ARL9: variants seen among roughly 807,000 people sequenced by gnomAD.
ARL9 encodes ARF like GTPase 9.
Under a neutral mutation model 27.0 loss-of-function variants are expected in ARL9, and 14 were observed. The ratio of observed to expected loss-of-function variants is 0.52; its 90% CI spans 0.34 to 0.81. The LOEUF (loss-of-function observed/expected upper bound fraction) is 0.81. Ranked by LOEUF, ARL9 falls within the 30% of genes least tolerant of loss-of-function variation. The pLI is 0.01. For missense variants in ARL9, 294 were observed against 290.0 expected, an observed-to-expected ratio of 1.01 and a Z score of -0.10; for synonymous variants, 106 against 108.7, an observed-to-expected ratio of 0.98 and a Z score of 0.15.
intron 3 of ARL9, among the ~76,000 whole-genome samples, chr4:56,520,394 A>C (rs1252028714): frequency 6.6e-6 from 1 of 152,218 alleles, no homozygotes; most frequent in Admixed American, 6.5e-5. Context: ...CTAAGTGAAT[A>C]AGCCAGTCAC....
At chr4:56,512,383 C>T (rs994312820) in intron 2 of ARL9, among the ~76,000 whole-genome samples, 19 of 152,046 alleles carry the variant, frequency 1.2e-4, no homozygotes, top group Non-Finnish European at 2.4e-4. Context: ...CCTTACCTCA[C>T]CCCAGGCTTA....
At chr4:56,518,964 G>T in intron 3 of ARL9, 111 bp downstream of exon 3, 1 of 1,067,102 alleles carries the variant, frequency 9.4e-7, no homozygotes. Context: ...CTCAGTTTAT[G>T]TTTATTAGAG....
At position 56,511,367 on chromosome 4, in the gene ARL9, G is replaced by C. The variant is rs1452404440; in HGVS notation, c.442+20G>C. The C allele has an allele frequency of 6.3e-7, 1 of 1,591,462 alleles. No individual in the cohort carries two copies. The highest frequency in any genetic ancestry group is 1.8e-5 in the Admixed American group (1 of 56,978). On this transcript the variant is annotated intron_variant, in intron 2 of 3. Coordinates refer to ENST00000640821, the MANE Select transcript of ARL9 (RefSeq NM_001363794.2). ...TGGAGAGTAAGCTCTCTGTTCCTTAGTTATAAGATAGCCACATTTTATTGT... is the reference window on the plus strand; with the variant it reads ...TGGAGAGTAAGCTCTCTGTTCCTTACTTATAAGATAGCCACATTTTATTGT...
intron 3 of ARL9, among the ~76,000 whole-genome samples, chr4:56,522,055 G>A (rs1444707720): frequency 6.8e-6 from 1 of 147,634 alleles, no homozygotes; most frequent in East Asian, 2.0e-4. Context: ...GTGTGATCTC[G>A]GCTCACTGCA....
In ARL9 at chr4:56,523,810, A is replaced by AG. The variant is rs1560701010; in HGVS notation, c.733dup (p.Glu245GlyfsTer52). The AG allele has an allele frequency of 6.2e-6, 10 of 1,614,044 alleles. No homozygotes were observed. The highest frequency in any genetic ancestry group is 7.6e-6 in the Non-Finnish European group (9 of 1,179,888). The stretch of plus-strand genomic sequence containing the variant: ...GAACCTACCTGACTAAGAATGGCTC[A>AG]GAGATACCCTCCACCATGCAAGATG... On this transcript the variant is annotated frameshift_variant, in exon 4 of 4. Transcript: ENST00000640821. LOFTEE classifies it high-confidence loss of function.
rs113809583 is a variant in ARL9 at position 56,518,398 on chromosome 4, C to G, written c.443-280C>G. ...CAGTGGCTGACATGGCTGCTGTGGA[C>G]AATGGGATCAGGAGACATCCACTGT... On this transcript the variant is annotated intron_variant, in intron 2 of 3. Transcript: ENST00000640821. Among the ~76,000 whole-genome samples, 1,445 of 152,254 alleles carry G rather than the reference C, an allele frequency of 9.5e-3. 24 individuals are homozygous for G. Among genetic ancestry groups the G allele is most frequent in the African/African-American group, 0.033 (1,376 of 41,550 alleles).
At chr4:56,508,958 G>C (rs1721545884) in intron 1 of ARL9, among the ~76,000 whole-genome samples, 1 of 152,132 alleles carries the variant, frequency 6.6e-6, no homozygotes, top group South Asian at 2.1e-4. Context: ...AATTATTAGA[G>C]TTTTTTGTGC....
At chr4:56,506,659 G>A in intron 1 of ARL9, 2 of 985,418 alleles carry the variant, frequency 2.0e-6, no homozygotes, top group Non-Finnish European at 2.4e-6. Context: ...AGTTTTAACT[G>A]ACAGGTCTTA....
chr4:56,512,538 CTTT>C (rs34744797), intron 2 of ARL9, among the ~76,000 whole-genome samples: 7 of 130,052 alleles, frequency 5.4e-5, no homozygotes, highest in East Asian at 2.2e-4. Flanking sequence ...ATCAATCATT[CTTT>C]TTTTTTTTTT....
chr4:56,520,381 A>T (rs1359610415), intron 3 of ARL9, among the ~76,000 whole-genome samples: 2 of 152,210 alleles, frequency 1.3e-5, no homozygotes, highest in African/African-American at 4.8e-5. Flanking sequence ...TGAGAACATT[A>T]TGCTAAGTGA....
chr4:56,518,971 A>G, intron 3 of ARL9, 118 bp downstream of exon 3: 1 of 1,034,872 alleles, frequency 9.7e-7, no homozygotes, highest in Non-Finnish European at 1.4e-6. Context: ...TATGTTTATT[A>G]GAGCTCTTGG....
intron 3 of ARL9, among the ~76,000 whole-genome samples, chr4:56,521,364 T>C (rs1578215492): frequency 6.6e-6 from 1 of 152,330 alleles, no homozygotes; most frequent in East Asian, 1.9e-4. Context: ...CAAAATGTTA[T>C]CATTTTCTTA....
intron 1 of ARL9, among the ~76,000 whole-genome samples, chr4:56,507,131 G>A (rs546908652): frequency 6.6e-6 from 1 of 151,958 alleles, no homozygotes; most frequent in South Asian, 2.1e-4. Context: ...AGACTACATA[G>A]ACTCATATTT....
At chr4:56,511,398 A>T in intron 2 of ARL9, 51 bp downstream of exon 2, 1 of 1,541,614 alleles carries the variant, frequency 6.5e-7, no homozygotes, top group African/African-American at 1.4e-5. Context: ...ATTGTCTCTT[A>T]AGCCAGATAT....
Position 56,518,958 on chromosome 4 carries a change from G to C in ARL9, c.618+105G>C. Reference sequence around the variant, plus strand: ...AACAATATGCTATATATTTAACTCAGTTTATGTTTATTAGAGCTCTTGGAT... The same window carrying C: ...AACAATATGCTATATATTTAACTCACTTTATGTTTATTAGAGCTCTTGGAT... On this transcript the variant is annotated intron_variant, in intron 3 of 3. Coordinates refer to ENST00000640821, the MANE Select transcript of ARL9 (RefSeq NM_001363794.2). 4.5e-6 allele frequency: 5 copies of C among 1,110,030 alleles called. No homozygotes were observed. In the East Asian group the frequency reaches 7.9e-5, roughly 17 times the overall value. 68.8% of individuals were successfully genotyped at this position (1,110,030 alleles called of 1,614,324 possible). A position where few individuals can be genotyped will look rare whatever the true frequency, so the allele number is the denominator to read the frequency against.
chr4:56,506,901 C>T (rs113575943), intron 1 of ARL9, among the ~76,000 whole-genome samples: 1,647 of 151,448 alleles, frequency 0.011, 29 homozygotes, highest in African/African-American at 0.038. Context: ...AGCCTGGCAC[C>T]GCCCCCATCT....
At chr4:56,507,799 C>A (rs186991934) in intron 1 of ARL9, among the ~76,000 whole-genome samples, 2,198 of 151,428 alleles carry the variant, frequency 0.015, 18 homozygotes, top group Non-Finnish European at 0.021. Flanking sequence ...CATGGCAAAA[C>A]CCCATCTCTA....
At position 56,518,967 on chromosome 4, in the gene ARL9, T is replaced by A. The variant is rs143758804; in HGVS notation, c.618+114T>A. The A allele has an allele frequency of 4.7e-6, 5 of 1,054,848 alleles. No homozygotes were observed. In the African/African-American group the frequency reaches 8.0e-5, roughly 17 times the overall value. 65.3% of individuals were successfully genotyped at this position (1,054,848 alleles called of 1,614,324 possible). A position where few individuals can be genotyped will look rare whatever the true frequency, so the allele number is the denominator to read the frequency against. ...CTATATATTTAACTCAGTTTATGTT[T>A]ATTAGAGCTCTTGGATTATAAACAC... On this transcript the variant is annotated intron_variant, in intron 3 of 3. Coordinates refer to ENST00000640821, the MANE Select transcript of ARL9 (RefSeq NM_001363794.2).
chr4:56,521,309 G>A (rs965195517), intron 3 of ARL9, among the ~76,000 whole-genome samples: 1 of 151,994 alleles, frequency 6.6e-6, no homozygotes, highest in African/African-American at 2.4e-5. Context: ...AGAAGATCAT[G>A]GTACATGTAA....
Sources: gnomAD v4.1 joint callset for allele counts (sites outside exome capture counted in the v4.1 genomes callset) on GRCh38, gnomAD v4.1.1 for gene constraint, MANE v1.5 for transcripts, NCBI Gene and HGNC (gene_info 2026-07-23, HGNC 2026-07-21) for gene names.